Variants in TRIM3 observed in about 807,000 individuals in gnomAD.
TRIM3 encodes the protein tripartite motif containing 3.
TRIM3 carries 13 observed loss-of-function variants against 66.6 expected under a neutral mutation model. The observed-to-expected ratio is 0.20, with a 90% CI of 0.13 to 0.31. TRIM3 has a LOEUF of 0.31. Ranked by LOEUF, TRIM3 falls within the 10% of genes least tolerant of loss-of-function variation. TRIM3 has a pLI of 1.00. For missense variants in TRIM3, 711 were observed against 1,020.4 expected (o/e 0.70, Z 4.13); for synonymous variants, 406 against 411.7 (o/e 0.99, Z 0.17).
intron 1 of TRIM3, among the ~76,000 whole-genome samples, chr11:6,466,662 C>T (rs542421414): frequency 8.9e-5 from 13 of 146,494 alleles, no homozygotes; most frequent in Admixed American, 2.8e-4. Context: ...ATCAGGCATT[C>T]GTTCTCTCTG....
At chr11:6,460,445 G>A (rs1189357271) in intron 2 of TRIM3, among the ~76,000 whole-genome samples, 3 of 152,096 alleles carry the variant, frequency 2.0e-5, no homozygotes, top group Non-Finnish European at 4.4e-5. Context: ...AGGAGAGGGG[G>A]AAGAGACTAC....
Position 6,457,863 on chromosome 11 carries a change from T to A in TRIM3, c.364-16A>T, listed in dbSNP as rs1850066574. 1.2e-6 allele frequency: 2 copies of A among 1,613,922 alleles called. No individual in the cohort carries two copies. The highest frequency in any genetic ancestry group is 1.7e-6 in the Non-Finnish European group (2 of 1,179,834). On this transcript the variant is annotated splice_polypyrimidine_tract_variant and intron_variant, in intron 3 of 11. Transcript: ENST00000345851. This position sits in a 1 kb window ranked among gnomAD's most constrained non-coding sequence, Gnocchi z 4.5. The stretch of plus-strand genomic sequence containing the variant: ...ACTCCATCGTCTGCGGTACAAGGAC[T>A]CCAGTCGGGTAATGGCTAGACATCA...
chr11:6,448,874 T>C lies in TRIM3; in HGVS notation c.*154A>G. ...GAACCGAATAAATAAAGTGCAACCG[T>C]GGGGGTGGGGGTAGGAGAGGGAGGG... On this transcript the variant is annotated 3_prime_UTR_variant, in exon 12 of 12. Transcript: ENST00000345851. 1 of 875,868 alleles carries C rather than the reference T, an allele frequency of 1.1e-6. No homozygotes were observed. The highest frequency in any genetic ancestry group is 2.2e-5 in the Admixed American group (1 of 45,828). 54.3% of individuals were successfully genotyped at this position (875,868 alleles called of 1,614,324 possible).
In TRIM3 at chr11:6,457,681, C is replaced by T; in HGVS notation, c.515+15G>A. The T allele has an allele frequency of 6.2e-7, 1 of 1,607,920 alleles. No homozygotes were observed. The highest frequency in any genetic ancestry group is 8.5e-7 in the Non-Finnish European group (1 of 1,175,736). ...CCTGTGGCCCCACCAGCCCAGGACC[C>T]TGCCCAGTGCCTACCGGCCACGCAC... On this transcript the variant is annotated intron_variant, in intron 4 of 11. Coordinates refer to ENST00000345851, the MANE Select transcript of TRIM3 (RefSeq NM_033278.4). This position sits in a 1 kb window ranked among gnomAD's most constrained non-coding sequence, Gnocchi z 4.5.
chr11:6,459,384 C>A (rs560993523), intron 2 of TRIM3, among the ~76,000 whole-genome samples: 8 of 152,294 alleles, frequency 5.3e-5, no homozygotes, highest in East Asian at 3.9e-4. Context: ...CTCTTCACCC[C>A]CTCTGTGTGG....
At chr11:6,460,399 T>G (rs1379382293) in intron 2 of TRIM3, among the ~76,000 whole-genome samples, 1 of 151,860 alleles carries the variant, frequency 6.6e-6, no homozygotes, top group Non-Finnish European at 1.5e-5. Flanking sequence ...GCATGGGAGT[T>G]TTGAGCATGT....
At chr11:6,451,125 T>TTAGGA in intron 8 of TRIM3, 65 bp from the exon 9 acceptor site, 1 of 1,600,626 alleles carries the variant, frequency 6.2e-7, no homozygotes, top group South Asian at 1.1e-5. Context: ...CCTAACCCAG[T>TTAGGA]ACCAAAGCAG....
intron 2 of TRIM3, among the ~76,000 whole-genome samples, chr11:6,462,074 T>C (rs1436559146): frequency 6.6e-6 from 1 of 152,230 alleles, no homozygotes; most frequent in East Asian, 1.9e-4. Flanking sequence ...GATTTTTCTA[T>C]TGCCTGGAAC....
At chr11:6,454,616 C>T (rs773533358) in intron 7 of TRIM3, among the ~76,000 whole-genome samples, 5 of 152,128 alleles carry the variant, frequency 3.3e-5, no homozygotes, top group African/African-American at 4.8e-5. Context: ...ATTACTCCCC[C>T]GCAATCCCCT....
chr11:6,452,801 T>C (rs1849787931), intron 7 of TRIM3: 1 of 152,204 alleles, frequency 6.6e-6, no homozygotes. Context: ...GCTCAGGTTC[T>C]GGCTCAATAC....
Position 6,473,861 on chromosome 11 carries a change from G to C in TRIM3, c.-108C>G, listed in dbSNP as rs1293474528. 2 of 152,320 alleles carry C rather than the reference G, an allele frequency of 1.3e-5. No homozygotes were observed. The highest frequency in any genetic ancestry group is 4.8e-5 in the African/African-American group (2 of 41,416). 9.4% of individuals were successfully genotyped at this position (152,320 alleles called of 1,614,324 possible). On this transcript the variant is annotated 5_prime_UTR_variant, in exon 1 of 12. Transcript: ENST00000345851. ...CTGAAGGGCCCGCGGCGCTGCTACT[G>C]CTGCCAGCGCCCGTCCGCCCGGCCC...
At chr11:6,451,116 C>T (rs916659114) in intron 8 of TRIM3, 56 bp from the exon 9 acceptor site, 3 of 1,605,758 alleles carry the variant, frequency 1.9e-6, no homozygotes, top group Non-Finnish European at 2.6e-6. Context: ...GAAAGTAGTC[C>T]TAACCCAGTA....
intron 1 of TRIM3, among the ~76,000 whole-genome samples, chr11:6,467,936 T>C (rs975013969): frequency 2.0e-5 from 3 of 152,172 alleles, no homozygotes; most frequent in Non-Finnish European, 4.4e-5. Flanking sequence ...GTTCTTTGGG[T>C]AAGATAATGT....
Position 6,449,489 on chromosome 11 carries a change from CAG to C in TRIM3, c.1942-45_1942-44del, listed in dbSNP as rs756307761. 1.4e-5 allele frequency: 23 copies of C among 1,589,908 alleles called. No individual in the cohort carries two copies. Among genetic ancestry groups the C allele is most frequent in the Admixed American group, 1.2e-4 (7 of 58,640 alleles). On this transcript the variant is annotated intron_variant, in intron 10 of 11. Coordinates refer to ENST00000345851, the MANE Select transcript of TRIM3 (RefSeq NM_033278.4). The surrounding 1 kb of genome is among the most constrained non-coding windows in gnomAD (Gnocchi z 5.3). ...TAGGGACTGGGGACCTGGCCTCAGGCAGAGGGTAGGGCTTTGGAGGAGGATAG... is the reference window on the plus strand; with the variant it reads ...TAGGGACTGGGGACCTGGCCTCAGGCAGGGTAGGGCTTTGGAGGAGGATAG...
chr11:6,474,154 G>GCCGGATC (rs1233888663), upstream of TRIM3: 12 of 151,858 alleles, frequency 7.9e-5, no homozygotes, highest in Admixed American at 6.6e-5. Flanking sequence ...GGGCCGGCGA[G>GCCGGATC]CCGGATCCCG....
intron 1 of TRIM3, among the ~76,000 whole-genome samples, chr11:6,471,925 C>T (rs1293796489): frequency 6.6e-6 from 1 of 152,074 alleles, no homozygotes; most frequent in Non-Finnish European, 1.5e-5. Flanking sequence ...AGAGGTTATA[C>T]ATGATGCTTT....
At position 6,457,679 on chromosome 11, in the gene TRIM3, C is replaced by G. The variant is rs1433456150; in HGVS notation, c.515+17G>C. ...TCCCTGTGGCCCCACCAGCCCAGGA[C>G]CCTGCCCAGTGCCTACCGGCCACGC... On this transcript the variant is annotated intron_variant, in intron 4 of 11. Transcript: ENST00000345851. This position sits in a 1 kb window ranked among gnomAD's most constrained non-coding sequence, Gnocchi z 4.5. 1 of 1,607,494 alleles carries G rather than the reference C, an allele frequency of 6.2e-7. No individual in the cohort carries two copies. Among genetic ancestry groups the G allele is most frequent in the Non-Finnish European group, 8.5e-7 (1 of 1,175,576 alleles).
chr11:6,456,162 C>T lies in TRIM3; in HGVS notation c.1443G>A (p.Arg481=), dbSNP rs1321037106. The change falls in exon 7 of 12, where the codon AGG becomes AGA. Residue 481 remains arginine, a synonymous_variant. Transcript: ENST00000345851. This position sits in a 1 kb window ranked among gnomAD's most constrained non-coding sequence, Gnocchi z 6.4. ...GTAAATTGGTGAATTCACCTTTCTC[C>T]CTTCCACGACTGCCTGTGGGAAGGG... is the stretch of plus-strand genomic sequence containing the variant. ...ELVFRVGSRG[R]EKGEFTNLQG... is the part of the protein sequence containing the mutation. 6.2e-7 allele frequency: 1 copy of T among 1,614,164 alleles called. No individual in the cohort carries two copies. The highest frequency in any genetic ancestry group is 1.1e-5 in the South Asian group (1 of 91,088).
At chr11:6,466,855 A>G (rs1309794002) in intron 1 of TRIM3, among the ~76,000 whole-genome samples, 1 of 152,138 alleles carries the variant, frequency 6.6e-6, no homozygotes, top group Non-Finnish European at 1.5e-5. Flanking sequence ...CTTATAAGCT[A>G]TGCTGTAATG....
Sources: allele counts gnomAD v4.1 joint callset (sites outside exome capture counted in the v4.1 genomes callset), GRCh38; gene constraint gnomAD v4.1.1; non-coding constraint Gnocchi (gnomAD v3.1); transcripts MANE v1.5; gene names NCBI Gene and HGNC (gene_info 2026-07-23, HGNC 2026-07-21).